Variants in CACNA2D3 observed in about 807,000 individuals in gnomAD.
CACNA2D3 encodes calcium voltage-gated channel auxiliary subunit alpha2delta 3.
A neutral mutation model predicts 160.6 loss-of-function variants in CACNA2D3; 60 were observed. The ratio of observed to expected loss-of-function variants is 0.37; its 90% CI spans 0.30 to 0.46. The LOEUF is 0.46. Ranked by LOEUF, CACNA2D3 falls within the 20% of genes least tolerant of loss-of-function variation. The probability of loss-of-function intolerance (pLI) is 1.00; values close to 1 mark genes in which losing one functional copy is unlikely to be tolerated. For missense variants in CACNA2D3, 1,205 were observed against 1,365.0 expected (o/e 0.88, Z 1.85); for synonymous variants, 558 against 492.9 (o/e 1.13, Z -1.75).
intron 29 of CACNA2D3, among the ~76,000 whole-genome samples, chr3:54,973,966 A>AGT (rs1405424580): frequency 1.4e-4 from 22 of 152,026 alleles, no homozygotes; most frequent in Admixed American, 6.5e-4. Context: ...GCAAGAACCT[A>AGT]GTGTGTGTGT....
intron 2 of CACNA2D3, among the ~76,000 whole-genome samples, chr3:54,225,810 T>C (rs80323523): frequency 0.058 from 8,861 of 152,118 alleles, 344 homozygotes; most frequent in Middle Eastern, 0.099. Flanking sequence ...TGTATTGATA[T>C]GCTCAGCAAC....
chr3:54,849,318 G>A (rs776582817), intron 17 of CACNA2D3, among the ~76,000 whole-genome samples: 5 of 152,142 alleles, frequency 3.3e-5, no homozygotes, highest in Admixed American at 1.3e-4. Context: ...ATGAATACCC[G>A]TGGCTCTGGC....
chr3:54,124,285 A>G (rs1169262025), intron 2 of CACNA2D3, among the ~76,000 whole-genome samples: 1 of 152,228 alleles, frequency 6.6e-6, no homozygotes, highest in Non-Finnish European at 1.5e-5. Flanking sequence ...TTTTAATTCA[A>G]ATAGGCAGCA....
At position 55,033,807 on chromosome 3, in the gene CACNA2D3, G is replaced by T. The variant is rs74192137; in HGVS notation, c.2987+15490G>T. 1.4e-4 allele frequency among the ~76,000 whole-genome samples: 13 copies of T among 93,560 alleles called. 1 individual carries two copies. The highest frequency in any genetic ancestry group is 5.1e-4 in the East Asian group (2 of 3,936). 61.4% of individuals were successfully genotyped at this position (93,560 alleles called of 152,430 possible). Reference sequence around the variant, plus strand: ...ATATTAAATATATTTTATATAATATGTATTATATATTAAATATATTTAATA... The same window carrying T: ...ATATTAAATATATTTTATATAATATTTATTATATATTAAATATATTTAATA... On this transcript the variant is annotated intron_variant, in intron 35 of 37. Coordinates refer to ENST00000474759, the MANE Select transcript of CACNA2D3 (RefSeq NM_018398.3).
rs191726181 is a variant in CACNA2D3 at position 54,160,374 on chromosome 3, C to T, written c.204+36780C>T. ...ATTTAGCTGGGTGTGGTGGCGGGCG[C>T]CTGTAATTCCAGCTACTCAGGATGC... On this transcript the variant is annotated intron_variant, in intron 2 of 37. Coordinates refer to ENST00000474759, the MANE Select transcript of CACNA2D3 (RefSeq NM_018398.3). Among the ~76,000 whole-genome samples the T allele has an allele frequency of 5.3e-5, 8 of 152,288 alleles. No individual in the cohort carries two copies. In the East Asian group the frequency reaches 1.5e-3, roughly 29 times the overall value.
At chr3:54,292,687 A>C (rs1444507622) in intron 2 of CACNA2D3, among the ~76,000 whole-genome samples, 1 of 152,244 alleles carries the variant, frequency 6.6e-6, no homozygotes, top group East Asian at 1.9e-4. Context: ...AAGTGTTGGC[A>C]AGGATGTGGA....
intron 5 of CACNA2D3, 133 bp from the exon 6 acceptor site, chr3:54,562,667 C>T: frequency 1.4e-6 from 1 of 710,600 alleles, no homozygotes; most frequent in Non-Finnish European, 2.3e-6. Flanking sequence ...GTTTTTGTGG[C>T]TATAACTTCC....
intron 2 of CACNA2D3, among the ~76,000 whole-genome samples, chr3:54,240,322 G>A (rs1701952872): frequency 1.3e-5 from 2 of 152,104 alleles, no homozygotes; most frequent in South Asian, 4.1e-4. Context: ...CCCAGCATTT[G>A]GGTTGAAAGA....
chr3:54,257,251 C>T (rs1039177621), intron 2 of CACNA2D3, among the ~76,000 whole-genome samples: 1 of 152,142 alleles, frequency 6.6e-6, no homozygotes, highest in Non-Finnish European at 1.5e-5. Context: ...CAGAGCAGTC[C>T]GTCAGCTCAG....
At chr3:54,928,420 T>C (rs766876751) in intron 27 of CACNA2D3, among the ~76,000 whole-genome samples, 10 of 152,298 alleles carry the variant, frequency 6.6e-5, no homozygotes, top group Non-Finnish European at 1.2e-4. Flanking sequence ...GGTTGGGGGA[T>C]GCTGGACGGG....
At chr3:54,290,105 A>G (rs1378854327) in intron 2 of CACNA2D3, among the ~76,000 whole-genome samples, 2 of 151,948 alleles carry the variant, frequency 1.3e-5, no homozygotes, top group Non-Finnish European at 2.9e-5. Flanking sequence ...AGAAACTACC[A>G]TCAGAGTGAA....
At chr3:54,492,766 C>T (rs1001159554) in intron 4 of CACNA2D3, among the ~76,000 whole-genome samples, 9 of 152,118 alleles carry the variant, frequency 5.9e-5, no homozygotes, top group African/African-American at 2.2e-4. Flanking sequence ...CTCAGCTCTC[C>T]CTGTATTTCC....
intron 31 of CACNA2D3, among the ~76,000 whole-genome samples, chr3:54,997,316 T>G (rs1702879889): frequency 6.6e-6 from 1 of 152,164 alleles, no homozygotes; most frequent in Admixed American, 6.5e-5. Flanking sequence ...GTTTGCACAT[T>G]AGAATTCCTT....
intron 2 of CACNA2D3, among the ~76,000 whole-genome samples, chr3:54,138,309 T>C (rs1699855728): frequency 6.6e-6 from 1 of 152,166 alleles, no homozygotes; most frequent in Non-Finnish European, 1.5e-5. Flanking sequence ...GAGAGGAAAT[T>C]TGGAGATGGC....
intron 27 of CACNA2D3, among the ~76,000 whole-genome samples, chr3:54,901,697 C>T (rs80074619): frequency 0.017 from 2,538 of 152,228 alleles, 66 homozygotes; most frequent in African/African-American, 0.057. Flanking sequence ...TTTAAAGAAC[C>T]GTATTTAGTC....
rs1559853717 is a variant in CACNA2D3, at chr3:54,123,585, TC to T, written c.196del (p.Leu66CysfsTer14). On this transcript the variant is annotated frameshift_variant, in exon 2 of 38. Coordinates refer to ENST00000474759, the MANE Select transcript of CACNA2D3 (RefSeq NM_018398.3). LOFTEE classifies it high-confidence loss of function. ...CTGCTAAGTACTCCGGTTCCCAGCT[TC>T]TGCAAAAGGTAAGGTTTCTGTGGTG... ...IAAKYSGSQL[L>X]QKKYKEYEKD... is the part of the protein sequence containing the mutation. 1 of 1,613,544 alleles carries T rather than the reference TC, an allele frequency of 6.2e-7. No homozygotes were observed. The highest frequency in any genetic ancestry group is 8.5e-7 in the Non-Finnish European group (1 of 1,179,522).
chr3:54,309,869 C>T (rs916983165), intron 2 of CACNA2D3, among the ~76,000 whole-genome samples: 2 of 152,018 alleles, frequency 1.3e-5, no homozygotes, highest in African/African-American at 4.8e-5. Flanking sequence ...GATCCATTTG[C>T]CACATTGAGC....
intron 2 of CACNA2D3, among the ~76,000 whole-genome samples, chr3:54,319,801 A>G (rs1244887176): frequency 6.6e-6 from 1 of 152,140 alleles, no homozygotes; most frequent in Admixed American, 6.5e-5. Flanking sequence ...GTTAACATAT[A>G]TATTATAATA....
At chr3:54,430,990 A>G (rs1699981283) in intron 4 of CACNA2D3, among the ~76,000 whole-genome samples, 1 of 152,158 alleles carries the variant, frequency 6.6e-6, no homozygotes. Flanking sequence ...TGTTATATGT[A>G]GTATATACCA....
Sources: gnomAD v4.1 joint callset for allele counts (sites outside exome capture counted in the v4.1 genomes callset) on GRCh38, gnomAD v4.1.1 for gene constraint, MANE v1.5 for transcripts, NCBI Gene and HGNC (gene_info 2026-07-23, HGNC 2026-07-21) for gene names.